RSPRY1: variants seen among roughly 807,000 people sequenced by gnomAD.
RSPRY1 encodes ring finger and SPRY domain containing 1.
Under a neutral mutation model 73.1 loss-of-function variants are expected in RSPRY1, and 23 were observed. The ratio of observed to expected loss-of-function variants is 0.31; its 90% CI spans 0.23 to 0.45. The LOEUF is 0.45. Among genes scored for constraint, RSPRY1 ranks in the 20% least tolerant of loss-of-function variants. The pLI, the probability that RSPRY1 is intolerant of heterozygous loss-of-function variation, is 1.00. For missense variants in RSPRY1, 448 were observed against 698.7 expected, an observed-to-expected ratio of 0.64 and a Z score of 4.05; for synonymous variants, 226 against 251.4, an observed-to-expected ratio of 0.90 and a Z score of 0.95.
intron 1 of RSPRY1, among the ~76,000 whole-genome samples, chr16:57,195,965 T>C (rs1176283799): frequency 2.1e-5 from 3 of 144,602 alleles, no homozygotes; most frequent in Non-Finnish European, 4.5e-5. Context: ...GAGGTTGCAG[T>C]GAGCCGAGAT....
intron 4 of RSPRY1, among the ~76,000 whole-genome samples, chr16:57,211,006 A>T (rs1323353724): frequency 6.6e-6 from 1 of 152,220 alleles, no homozygotes; most frequent in Non-Finnish European, 1.5e-5. Context: ...TAAAAAAAGA[A>T]GTATTTGTAT....
intron 2 of RSPRY1, 110 bp from the exon 3 acceptor site, chr16:57,207,948 G>A (rs2146262053): frequency 1.4e-6 from 1 of 700,828 alleles, no homozygotes; most frequent in Non-Finnish European, 2.5e-6. Flanking sequence ...CCTTACATTT[G>A]TGTTCATTTC....
At chr16:57,230,589 A>G (rs2075200272) in intron 11 of RSPRY1, 122 bp from the exon 12 acceptor site, 4 of 536,798 alleles carry the variant, frequency 7.5e-6, no homozygotes, top group African/African-American at 3.8e-5. Context: ...AAAAATTAAC[A>G]TGTTGAATGC....
chr16:57,224,021 C>G (rs1287365661), intron 10 of RSPRY1, among the ~76,000 whole-genome samples: 2 of 152,302 alleles, frequency 1.3e-5, no homozygotes, highest in South Asian at 4.1e-4. Flanking sequence ...AAGCATCTGC[C>G]TTCGAGAAAA....
intron 10 of RSPRY1, among the ~76,000 whole-genome samples, chr16:57,225,907 C>T (rs1361523450): frequency 3.3e-5 from 5 of 152,122 alleles, no homozygotes; most frequent in African/African-American, 1.2e-4. Context: ...GGAGAAACCC[C>T]GTCCCTACTA....
intron 6 of RSPRY1, 60 bp downstream of exon 6, chr16:57,214,006 CTG>C (rs1355940991): frequency 8.6e-7 from 1 of 1,159,868 alleles, no homozygotes; most frequent in Admixed American, 1.7e-5. Context: ...TCATCTAGAA[CTG>C]TGCATTTTCT....
At chr16:57,223,003 T>A (rs2075063992) in intron 10 of RSPRY1, among the ~76,000 whole-genome samples, 1 of 152,164 alleles carries the variant, frequency 6.6e-6, no homozygotes, top group South Asian at 2.1e-4. Flanking sequence ...TGTTTTTTTA[T>A]CCTCCAGATC....
At chr16:57,209,353 T>C (rs565465744) in intron 4 of RSPRY1, among the ~76,000 whole-genome samples, 166 bp downstream of exon 4, 1 of 152,272 alleles carries the variant, frequency 6.6e-6, no homozygotes, top group African/African-American at 2.4e-5. Flanking sequence ...TGAAGAATTA[T>C]GTCCTCTTTT....
At position 57,218,904 on chromosome 16, in the gene RSPRY1, T is replaced by G. The variant is rs1302215047; in HGVS notation, c.902-1828T>G. Among the ~76,000 whole-genome samples the G allele has an allele frequency of 5.0e-5, 7 of 140,476 alleles. 1 individual carries two copies. Among genetic ancestry groups the G allele is most frequent in the Non-Finnish European group, 1.1e-4 (7 of 65,672 alleles). 92.2% of individuals were successfully genotyped at this position (140,476 alleles called of 152,430 possible). The stretch of plus-strand genomic sequence containing the variant: ...GCGCCCGCCACTACGCCCGGCTAAT[T>G]TTTTTGTATTTTTAGTAGAGACGGG... On this transcript the variant is annotated intron_variant, in intron 8 of 14. Coordinates refer to ENST00000394420, the MANE Select transcript of RSPRY1 (RefSeq NM_133368.3).
chr16:57,203,616 C>G (rs1455981532), intron 1 of RSPRY1, among the ~76,000 whole-genome samples: 1 of 152,174 alleles, frequency 6.6e-6, no homozygotes, highest in African/African-American at 2.4e-5. Flanking sequence ...AGAGCTGGTT[C>G]TTTCATTAGG....
At chr16:57,196,564 T>C (rs1187927029) in intron 1 of RSPRY1, among the ~76,000 whole-genome samples, 2 of 152,182 alleles carry the variant, frequency 1.3e-5, no homozygotes, top group Admixed American at 6.5e-5. Flanking sequence ...GACCAGGGAT[T>C]TGCATTTTAA....
intron 4 of RSPRY1, among the ~76,000 whole-genome samples, chr16:57,212,019 A>T (rs778428085): frequency 1.6e-4 from 25 of 152,170 alleles, no homozygotes; most frequent in Non-Finnish European, 3.2e-4. Flanking sequence ...ATTTGCCTTC[A>T]ACTCTGTTGG....
intron 10 of RSPRY1, among the ~76,000 whole-genome samples, chr16:57,221,624 T>A (rs1302151656): frequency 6.6e-6 from 1 of 152,240 alleles, no homozygotes; most frequent in Admixed American, 6.5e-5. Context: ...GCCTTTTCTT[T>A]TTCTTGAATC....
At chr16:57,238,451 GA>G (rs1227681004) in intron 14 of RSPRY1, among the ~76,000 whole-genome samples, 1 of 152,114 alleles carries the variant, frequency 6.6e-6, no homozygotes, top group Non-Finnish European at 1.5e-5. Context: ...CAGAATAATG[GA>G]ATACAATAAA....
At chr16:57,232,232 G>A (rs1031019128) in intron 13 of RSPRY1, among the ~76,000 whole-genome samples, 36 of 152,130 alleles carry the variant, frequency 2.4e-4, no homozygotes, top group African/African-American at 8.4e-4. Flanking sequence ...GGCTCAAAAA[G>A]CAGATCTGCA....
intron 1 of RSPRY1, among the ~76,000 whole-genome samples, chr16:57,199,688 AT>A (rs1249901555): frequency 2.6e-5 from 4 of 151,398 alleles, no homozygotes; most frequent in Non-Finnish European, 4.4e-5. Flanking sequence ...CTAGATAAAG[AT>A]TTTTTTTTAA....
chr16:57,222,746 T>C (rs1337285663), intron 10 of RSPRY1, among the ~76,000 whole-genome samples: 1 of 152,208 alleles, frequency 6.6e-6, no homozygotes, highest in African/African-American at 2.4e-5. Context: ...GTTTCCTCAT[T>C]TGGAAGTGAA....
intron 1 of RSPRY1, among the ~76,000 whole-genome samples, chr16:57,197,538 A>C (rs796742873): frequency 8.0e-4 from 121 of 152,072 alleles, no homozygotes; most frequent in African/African-American, 2.8e-3. Flanking sequence ...AAGTATTTAC[A>C]GTTTTTTTAA....
At chr16:57,201,481 G>A (rs1424773231) in intron 1 of RSPRY1, among the ~76,000 whole-genome samples, 5 of 151,758 alleles carry the variant, frequency 3.3e-5, no homozygotes. Flanking sequence ...AGACTGGGCA[G>A]CCAGGCAGAG....
Sources: gnomAD v4.1 joint callset for allele counts (sites outside exome capture counted in the v4.1 genomes callset) on GRCh38, gnomAD v4.1.1 for gene constraint, MANE v1.5 for transcripts, NCBI Gene and HGNC (gene_info 2026-07-23, HGNC 2026-07-21) for gene names.